Variants in INPP4B observed in about 807,000 individuals in gnomAD.
INPP4B encodes the protein inositol polyphosphate 4-phosphatase type II.
INPP4B carries 55 observed loss-of-function variants against 122.5 expected under a neutral mutation model. That is an observed-to-expected ratio of 0.45 (90% CI 0.36 to 0.56). The LOEUF is 0.56. Ranked by LOEUF, INPP4B falls within the 20% of genes least tolerant of loss-of-function variation. INPP4B has a pLI of 0.00. For missense variants in INPP4B, 1,000 were observed against 1,097.7 expected (o/e 0.91, Z 1.26); for synonymous variants, 403 against 388.7 (o/e 1.04, Z -0.43).
At chr4:142,147,249 T>A (rs1216607959) in intron 17 of INPP4B, among the ~76,000 whole-genome samples, 3 of 152,204 alleles carry the variant, frequency 2.0e-5, no homozygotes, top group African/African-American at 7.2e-5. Flanking sequence ...ACATTTTTTC[T>A]CAAATGTACT....
At chr4:142,196,278 A>C (rs1418042196) in intron 14 of INPP4B, among the ~76,000 whole-genome samples, 1 of 152,078 alleles carries the variant, frequency 6.6e-6, no homozygotes, top group Non-Finnish European at 1.5e-5. Flanking sequence ...CCATATTTTT[A>C]CCAAGGACTA....
intron 2 of INPP4B, among the ~76,000 whole-genome samples, chr4:142,517,921 T>C (rs1176149670): frequency 1.3e-5 from 2 of 152,230 alleles, no homozygotes; most frequent in African/African-American, 2.4e-5. Flanking sequence ...CATATCTTGA[T>C]ATTTATAGTG....
intron 2 of INPP4B, among the ~76,000 whole-genome samples, chr4:142,690,850 C>T (rs901610246): frequency 2.0e-5 from 3 of 152,090 alleles, no homozygotes; most frequent in African/African-American, 7.2e-5. Flanking sequence ...TCCTCCTCAC[C>T]CCCACCTCCA....
At chr4:142,029,470 T>C in intron 25 of INPP4B, 1 of 985,832 alleles carries the variant, frequency 1.0e-6, no homozygotes, top group Non-Finnish European at 1.2e-6. Flanking sequence ...CCACGGACAG[T>C]ACAAAAGTCA....
intron 18 of INPP4B, among the ~76,000 whole-genome samples, chr4:142,140,478 A>T (rs1047190046): frequency 3.9e-5 from 6 of 152,188 alleles, no homozygotes; most frequent in Non-Finnish European, 8.8e-5. Context: ...CCTTTTAGTG[A>T]TGTGCCTTAA....
At chr4:142,252,664 G>C (rs1052677395) in intron 11 of INPP4B, among the ~76,000 whole-genome samples, 1 of 152,110 alleles carries the variant, frequency 6.6e-6, no homozygotes, top group African/African-American at 2.4e-5. Flanking sequence ...CATATTATGT[G>C]AATAATGCAG....
intron 1 of INPP4B, among the ~76,000 whole-genome samples, chr4:142,824,803 TA>T (rs34045920): frequency 0.2 from 29,296 of 149,088 alleles, 3,715 homozygotes; most frequent in African/African-American, 0.36. Context: ...CCTTTTTTGT[TA>T]AAAAAAAAAG....
intron 2 of INPP4B, among the ~76,000 whole-genome samples, chr4:142,628,834 C>A (rs551102251): frequency 4.6e-5 from 7 of 152,106 alleles, no homozygotes; most frequent in Admixed American, 2.6e-4. Context: ...AAGTGCACAG[C>A]CTGCATCACA....
chr4:142,598,410 C>T (rs1739170319), intron 2 of INPP4B, among the ~76,000 whole-genome samples: 1 of 152,158 alleles, frequency 6.6e-6, no homozygotes, highest in South Asian at 2.1e-4. Context: ...TGCAACTGGG[C>T]ACCATTTTGA....
chr4:142,237,709 C>A (rs28663403), intron 12 of INPP4B, among the ~76,000 whole-genome samples, 155 bp downstream of exon 12: 1 of 151,782 alleles, frequency 6.6e-6, no homozygotes, highest in African/African-American at 2.4e-5. Flanking sequence ...TTGATAAGTA[C>A]GTGAGGTAAG....
intron 3 of INPP4B, among the ~76,000 whole-genome samples, chr4:142,441,640 C>T (rs189168): frequency 4.6e-5 from 7 of 151,888 alleles, no homozygotes; most frequent in African/African-American, 1.7e-4. Context: ...GAAGAGAGGG[C>T]TGAGGAATTA....
chr4:142,211,916 TG>T (rs1845072953), intron 12 of INPP4B, among the ~76,000 whole-genome samples: 1 of 152,166 alleles, frequency 6.6e-6, no homozygotes, highest in South Asian at 2.1e-4. Context: ...TGCTAATGCC[TG>T]GTCTTCACCT....
chr4:142,482,951 T>C (rs1820739927), intron 2 of INPP4B, among the ~76,000 whole-genome samples: 1 of 152,108 alleles, frequency 6.6e-6, no homozygotes. Context: ...ATATATAAGA[T>C]TATCTATGAA....
At chr4:142,370,619 C>T (rs1263666273) in intron 7 of INPP4B, among the ~76,000 whole-genome samples, 1 of 151,712 alleles carries the variant, frequency 6.6e-6, no homozygotes, top group Non-Finnish European at 1.5e-5. Context: ...ACAAAATACA[C>T]AAAAATCAGT....
intron 2 of INPP4B, among the ~76,000 whole-genome samples, chr4:142,476,688 A>G (rs192674011): frequency 6.6e-6 from 1 of 152,314 alleles, no homozygotes; most frequent in African/African-American, 2.4e-5. Flanking sequence ...ACATTAACAA[A>G]CAGTGATCAA....
At chr4:142,728,547 G>A (rs1765629823) in intron 1 of INPP4B, among the ~76,000 whole-genome samples, 2 of 152,120 alleles carry the variant, frequency 1.3e-5, no homozygotes, top group African/African-American at 4.8e-5. Context: ...TAGTATGACT[G>A]GCAACCTTAT....
intron 11 of INPP4B, among the ~76,000 whole-genome samples, chr4:142,242,886 G>A (rs577573343): frequency 1.3e-5 from 2 of 152,088 alleles, no homozygotes; most frequent in East Asian, 3.9e-4. Context: ...ATGTGTGGGG[G>A]GAGTGGTGGA....
chr4:142,236,912 T>C (rs1220081079), intron 12 of INPP4B, among the ~76,000 whole-genome samples: 2 of 152,204 alleles, frequency 1.3e-5, no homozygotes, highest in South Asian at 4.1e-4. Flanking sequence ...AATTAAAAAG[T>C]GTTAACGCTT....
chr4:142,170,304 G>T (rs1277614328), intron 16 of INPP4B, among the ~76,000 whole-genome samples: 1 of 151,630 alleles, frequency 6.6e-6, no homozygotes, highest in Non-Finnish European at 1.5e-5. Context: ...GGCATAACAA[G>T]AATGTTAAAA....
Sources: allele counts gnomAD v4.1 joint callset (sites outside exome capture counted in the v4.1 genomes callset), GRCh38; gene constraint gnomAD v4.1.1; transcripts MANE v1.5; gene names NCBI Gene and HGNC (gene_info 2026-07-23, HGNC 2026-07-21).